The following H6PD variants were observed in gnomAD, a reference collection of about 807,000 sequenced individuals.
H6PD encodes the protein GDH/6PGL endoplasmic bifunctional protein.
Under a neutral mutation model 61.2 loss-of-function variants are expected in H6PD, and 48 were observed. That is an observed-to-expected ratio of 0.78 (90% CI 0.62 to 1.00). The LOEUF (loss-of-function observed/expected upper bound fraction) is 1.00. Among genes scored for constraint, H6PD ranks in the 50% least tolerant of loss-of-function variants. H6PD has a pLI of 0.00. For synonymous variants in H6PD, 480 were observed against 457.9 expected (o/e 1.05, Z -0.62); for missense variants, 1,093 against 1,065.0 (o/e 1.03, Z -0.37).
At chr1:9,262,681 C>G (rs1428444241) in intron 4 of H6PD, among the ~76,000 whole-genome samples, 1 of 152,224 alleles carries the variant, frequency 6.6e-6, no homozygotes, top group Admixed American at 6.5e-5. Flanking sequence ...CTGGCCACAG[C>G]TGGAGACACT....
At chr1:9,250,813 C>T (rs1641337969) in intron 3 of H6PD, among the ~76,000 whole-genome samples, 1 of 152,246 alleles carries the variant, frequency 6.6e-6, no homozygotes, top group African/African-American at 2.4e-5. Flanking sequence ...TCTTCCCCCA[C>T]CCGCATCACA....
Position 9,269,360 on chromosome 1 carries a change from T to G in H6PD, c.*4491T>G, listed in dbSNP as rs2100426011. 1 of 152,306 alleles carries G rather than the reference T, an allele frequency of 6.6e-6. No homozygotes were observed. Among genetic ancestry groups the G allele is most frequent in the Middle Eastern group, 3.4e-3 (1 of 294 alleles). The allele number at this position is 152,306 out of a possible 1,614,324, so 9.4% of individuals were successfully genotyped here. ...GCATTGTACATAGGAAGGAAGGAAG[T>G]TCTTCCAGCCTCACCAGCACCTGGC... On this transcript the variant is annotated 3_prime_UTR_variant, in exon 5 of 5. Transcript: ENST00000377403. This position sits in a 1 kb window ranked among gnomAD's most constrained non-coding sequence, Gnocchi z 4.3.
chr1:9,239,923 C>G (rs1018770415), intron 1 of H6PD: 1 of 1,078,882 alleles, frequency 9.3e-7, no homozygotes, highest in East Asian at 3.2e-5. Flanking sequence ...AGCTGCACGC[C>G]TCTTCCGCTT....
At chr1:9,263,060 A>G (rs1570123959) in intron 4 of H6PD, among the ~76,000 whole-genome samples, 3 of 151,094 alleles carry the variant, frequency 2.0e-5, no homozygotes, top group Non-Finnish European at 4.4e-5. Flanking sequence ...CTCTCTCCTC[A>G]CCCCGCACCT....
intron 1 of H6PD, among the ~76,000 whole-genome samples, chr1:9,235,651 C>T (rs951491526): frequency 6.6e-6 from 1 of 152,142 alleles, no homozygotes; most frequent in Non-Finnish European, 1.5e-5. Context: ...TGCTTGGTTG[C>T]CCAGGCTGGA....
At position 9,240,456 on chromosome 1, in the gene H6PD, T is replaced by G. The variant is rs536605851; in HGVS notation, c.-10-4469T>G. Among the ~76,000 whole-genome samples the G allele has an allele frequency of 1.3e-4, 20 of 152,276 alleles. No homozygotes were observed. The East Asian group carries it at 2.5e-3, about 19-fold the overall frequency. On this transcript the variant is annotated intron_variant, in intron 1 of 4. Transcript: ENST00000377403. The stretch of plus-strand genomic sequence containing the variant: ...ATCACCTTTCCTCGGAAAACAGGAC[T>G]TAGGGACACTAAAAGATCACACAGA...
chr1:9,237,325 T>C (rs1397458784), intron 1 of H6PD, among the ~76,000 whole-genome samples: 2 of 141,604 alleles, frequency 1.4e-5, no homozygotes, highest in African/African-American at 5.1e-5. Flanking sequence ...GTTCGCCTCC[T>C]AGGTTCAAGT....
intron 3 of H6PD, among the ~76,000 whole-genome samples, chr1:9,249,643 C>T (rs914761887): frequency 2.0e-5 from 3 of 152,210 alleles, no homozygotes; most frequent in East Asian, 3.8e-4. Context: ...GGAGCCTCAG[C>T]GCAGGACAGG....
At position 9,248,308 on chromosome 1, in the gene H6PD, T is replaced by G. The variant is rs142955202; in HGVS notation, c.745+1225T>G. Among the ~76,000 whole-genome samples the G allele has an allele frequency of 1.6e-4, 25 of 152,322 alleles. No individual in the cohort carries two copies. In the East Asian group the frequency reaches 4.4e-3, roughly 27 times the overall value. ...TCTCTGGGCCATTTTCTCTTTTTCT[T>G]TCCCCCGCCCCTTGGTTTCTCTTCA... On this transcript the variant is annotated intron_variant, in intron 3 of 4. Transcript: ENST00000377403.
intron 4 of H6PD, among the ~76,000 whole-genome samples, chr1:9,262,935 C>T (rs767980690): frequency 1.2e-4 from 19 of 152,200 alleles, no homozygotes; most frequent in Non-Finnish European, 2.1e-4. Context: ...TCGGTGAAGT[C>T]GTCAGAATGA....
chr1:9,257,512 G>A (rs1403846636), intron 3 of H6PD, among the ~76,000 whole-genome samples: 1 of 152,160 alleles, frequency 6.6e-6, no homozygotes, highest in African/African-American at 2.4e-5. Flanking sequence ...CGTCTTGGAG[G>A]TTTATCCGTG....
chr1:9,260,299 G>C (rs1008524250), intron 3 of H6PD, among the ~76,000 whole-genome samples: 10 of 152,080 alleles, frequency 6.6e-5, no homozygotes, highest in Admixed American at 5.9e-4. Context: ...TGTTGCTGTT[G>C]TTACGCCAGT....
At position 9,263,060 on chromosome 1, in the gene H6PD, AC is replaced by A. The variant is rs565697176; in HGVS notation, c.1016-445del. On this transcript the variant is annotated intron_variant, in intron 4 of 4. Transcript: ENST00000377403. ...GCCTCTGCTTGGTGACTCTCTCCTCACCCCGCACCTCTGACCCTGCGTCGGG... is the reference window on the plus strand; with the variant it reads ...GCCTCTGCTTGGTGACTCTCTCCTCACCCGCACCTCTGACCCTGCGTCGGG... Among the ~76,000 whole-genome samples the A allele has an allele frequency of 6.5e-4, 98 of 151,092 alleles. 1 individual carries two copies. Among genetic ancestry groups the A allele is most frequent in the Non-Finnish European group, 1.3e-3 (88 of 67,790 alleles).
chr1:9,259,913 G>A (rs567091455), intron 3 of H6PD, among the ~76,000 whole-genome samples: 3 of 151,478 alleles, frequency 2.0e-5, no homozygotes, highest in East Asian at 2.0e-4. Context: ...CTGTTGTTAC[G>A]CCAGTGTTGT....
Position 9,264,690 on chromosome 1 carries a change from C to T in H6PD, c.2197C>T (p.Leu733=), listed in dbSNP as rs1638492851. 1 of 1,613,438 alleles carries T rather than the reference C, an allele frequency of 6.2e-7. No individual in the cohort carries two copies. Among genetic ancestry groups the T allele is most frequent in the Non-Finnish European group, 8.5e-7 (1 of 1,180,028 alleles). The change falls in exon 5 of 5, where the codon CTG becomes TTG. Residue 733 remains leucine (L), a synonymous_variant. Transcript: ENST00000377403. ...SQPHRRMSLS[L]PLINRAKKVA... ...GCCACACCGCCGCATGAGCCTTAGC[C>T]TGCCTCTCATCAACCGCGCCAAGAA...
At chr1:9,246,190 C>T (rs1641170276) in intron 2 of H6PD, among the ~76,000 whole-genome samples, 2 of 152,192 alleles carry the variant, frequency 1.3e-5, no homozygotes, top group South Asian at 4.1e-4. Context: ...GTGATCCGCT[C>T]ACTTCGGCCT....
In H6PD at chr1:9,264,085, T is replaced by TGCCAGG. The variant is rs751209455; in HGVS notation, c.1602_1607dup (p.Gly535_Pro536dup). ...TCCCAGCAGCAGCCGGAGCAGCTGG[T>TGCCAGG]GCCAGGGCCAGGGCCGGCCCCAATG... On this transcript the variant is annotated inframe_insertion, in exon 5 of 5. Transcript: ENST00000377403. 4 of 1,613,866 alleles carry TGCCAGG rather than the reference T, an allele frequency of 2.5e-6. No individual in the cohort carries two copies. Among genetic ancestry groups the TGCCAGG allele is most frequent in the Non-Finnish European group, 3.4e-6 (4 of 1,180,000 alleles).
rs760131543 is a variant in H6PD at position 9,264,144 on chromosome 1, C to T, written c.1651C>T (p.Arg551Ter). 1.7e-5 allele frequency: 27 copies of T among 1,613,342 alleles called. No individual in the cohort carries two copies. Among genetic ancestry groups the T allele is most frequent in the South Asian group, 9.9e-5 (9 of 91,082 alleles). The change falls in exon 5 of 5, where the codon CGA becomes TGA. Residue 551 changes from arginine to a stop codon, truncating the protein, a stop_gained. Coordinates refer to ENST00000377403, the MANE Select transcript of H6PD (RefSeq NM_004285.4). LOFTEE classifies it high-confidence loss of function. ...SDFQVLRAKY[R>*]ESPLVSAWSE... ...CTTCCAGGTCCTCAGGGCCAAGTAC[C>T]GAGAGAGCCCGCTGGTCTCCGCCTG...
At chr1:9,259,117 A>G (rs1463401780) in intron 3 of H6PD, among the ~76,000 whole-genome samples, 2 of 151,976 alleles carry the variant, frequency 1.3e-5, no homozygotes, top group Non-Finnish European at 2.9e-5. Context: ...TCAGCCTCCC[A>G]AGTAGCTGGG....
Sources: allele counts gnomAD v4.1 joint callset (sites outside exome capture counted in the v4.1 genomes callset), GRCh38; gene constraint gnomAD v4.1.1; non-coding constraint Gnocchi (gnomAD v3.1); transcripts MANE v1.5; gene names NCBI Gene and HGNC (gene_info 2026-07-23, HGNC 2026-07-21).